FBXL18: variants seen among roughly 807,000 people sequenced by gnomAD.
FBXL18 encodes the protein F-box/LRR-repeat protein 18.
FBXL18 carries 36 observed loss-of-function variants against 46.0 expected under a neutral mutation model. The observed-to-expected ratio is 0.78, with a 90% CI of 0.60 to 1.03. The LOEUF is 1.03. Among genes scored for constraint, FBXL18 ranks in the 50% least tolerant of loss-of-function variants. The pLI is 0.00. For missense variants in FBXL18, 977 were observed against 1,004.1 expected (o/e 0.97, Z 0.36); for synonymous variants, 557 against 465.3 (o/e 1.20, Z -2.54).
At chr7:5,509,066 G>A (rs949983682) in intron 1 of FBXL18, among the ~76,000 whole-genome samples, 2 of 151,578 alleles carry the variant, frequency 1.3e-5, no homozygotes, top group Non-Finnish European at 2.9e-5. Flanking sequence ...GGTGGCACAC[G>A]CCTATAGTCC....
At chr7:5,487,982 C>G (rs1178129688) in intron 4 of FBXL18, among the ~76,000 whole-genome samples, 4 of 152,270 alleles carry the variant, frequency 2.6e-5, no homozygotes, top group African/African-American at 9.6e-5. Flanking sequence ...ATCAAGGGCT[C>G]TCCCAGGCAC....
At chr7:5,462,972 ATAT>A (rs1783276020) in intron 4 of FBXL18, among the ~76,000 whole-genome samples, 4 of 15,580 alleles carry the variant, frequency 2.6e-4, no homozygotes, top group Admixed American at 7.1e-4. Context: ...AAAAAAAAAT[ATAT>A]ATATATATAT....
chr7:5,502,850 G>A (rs1237292528), intron 2 of FBXL18, among the ~76,000 whole-genome samples: 19 of 150,314 alleles, frequency 1.3e-4, no homozygotes, highest in Non-Finnish European at 3.0e-5. Context: ...AAAAAAAAAC[G>A]GTTTGGTGGT....
rs1461903222 is a variant in FBXL18 at position 5,480,685 on chromosome 7, T to G, written c.*1090A>C. Reference sequence around the variant, plus strand: ...TTCAAACGATTCTCCTGCCTCAGCCTCCTGAGTAGCTAGGATTACAGGCGC... The same window carrying G: ...TTCAAACGATTCTCCTGCCTCAGCCGCCTGAGTAGCTAGGATTACAGGCGC... On this transcript the variant is annotated 3_prime_UTR_variant, in exon 5 of 5. Transcript: ENST00000382368. 2 of 149,048 alleles carry G rather than the reference T, an allele frequency of 1.3e-5. No individual in the cohort carries two copies. Among genetic ancestry groups the G allele is most frequent in the East Asian group, 4.1e-4 (2 of 4,910 alleles). The allele number at this position is 149,048 out of a possible 1,614,324, so 9.2% of individuals were successfully genotyped here.
rs559631326 is a variant in FBXL18 at position 5,489,868 on chromosome 7, C to G, written c.2000+1363G>C. On this transcript the variant is annotated intron_variant, in intron 4 of 4. Transcript: ENST00000382368. ...CTGCTCAGGAGGCTGAGGTTGCAAC[C>G]CAGAAAGCAGAGGTTGCAGTGAGCT... 3.8e-5 allele frequency: 24 copies of G among 628,798 alleles called. No homozygotes were observed. The East Asian group carries it at 1.5e-3, about 40-fold the overall frequency. 39.0% of individuals were successfully genotyped at this position (628,798 alleles called of 1,614,324 possible). A position where few individuals can be genotyped will look rare whatever the true frequency, so the allele number is the denominator to read the frequency against.
At chr7:5,472,820 C>T (rs1783447815), downstream of FBXL18, among the ~76,000 whole-genome samples, 1 of 152,172 alleles carries the variant, frequency 6.6e-6, no homozygotes, top group African/African-American at 2.4e-5. Flanking sequence ...AAGCCGTGAG[C>T]ACCCCACAGT....
chr7:5,492,677 T>C (rs1783961646), intron 3 of FBXL18, among the ~76,000 whole-genome samples: 1 of 152,108 alleles, frequency 6.6e-6, no homozygotes. Flanking sequence ...CTAAATCTAA[T>C]GACTGGTTCC....
chr7:5,513,538 C>G (rs906097384), intron 1 of FBXL18, 119 bp downstream of exon 1: 1 of 1,156,112 alleles, frequency 8.6e-7, no homozygotes, highest in South Asian at 1.3e-5. Flanking sequence ...ATGGGAAGGA[C>G]GGGGCGGGGT....
At chr7:5,504,490 G>C (rs893955893) in intron 2 of FBXL18, among the ~76,000 whole-genome samples, 3 of 145,546 alleles carry the variant, frequency 2.1e-5, no homozygotes, top group African/African-American at 7.4e-5. Flanking sequence ...ATTTTTTGTA[G>C]AGACAGGGTT....
chr7:5,462,970 ATATATATAT>A (rs547473418), intron 4 of FBXL18, among the ~76,000 whole-genome samples: 31 of 13,842 alleles, frequency 2.2e-3, no homozygotes, highest in African/African-American at 4.5e-3. Flanking sequence ...AAAAAAAAAA[ATATATATAT>A]ATATATATAT....
At chr7:5,463,004 T>TATACAC (rs1221961422) in intron 4 of FBXL18, among the ~76,000 whole-genome samples, 3 of 83,886 alleles carry the variant, frequency 3.6e-5, no homozygotes, top group Non-Finnish European at 5.0e-5. Flanking sequence ...ATAATATATA[T>TATACAC]ACACACACAC....
chr7:5,458,091 C>A (rs1475079673), intron 4 of FBXL18, among the ~76,000 whole-genome samples: 1 of 152,046 alleles, frequency 6.6e-6, no homozygotes, highest in African/African-American at 2.4e-5. Flanking sequence ...AAAAAACAAC[C>A]CCAAAACCTT....
rs947770772 is a variant in FBXL18, at chr7:5,481,528, C to A, written c.*247G>T. The A allele has an allele frequency of 8.9e-5, 40 of 449,586 alleles. No individual in the cohort carries two copies. Among genetic ancestry groups the A allele is most frequent in the Middle Eastern group, 6.3e-4 (1 of 1,598 alleles). The allele number at this position is 449,586 out of a possible 1,614,324, so 27.8% of individuals were successfully genotyped here. A position where few individuals can be genotyped will look rare whatever the true frequency, so the allele number is the denominator to read the frequency against. Reference sequence around the variant, plus strand: ...CCAAGGGTCAGCCTGGTTCAGCCAGCCCCCCACATCGACCGTCCCCCGAGC... The same window carrying A: ...CCAAGGGTCAGCCTGGTTCAGCCAGACCCCCACATCGACCGTCCCCCGAGC... On this transcript the variant is annotated 3_prime_UTR_variant, in exon 5 of 5. Transcript: ENST00000382368.
chr7:5,490,060 G>A (rs1432312077), intron 4 of FBXL18: 1 of 1,351,888 alleles, frequency 7.4e-7, no homozygotes, highest in Non-Finnish European at 9.9e-7. Context: ...GATTATTCCT[G>A]AGACAGCCAG....
At position 5,501,038 on chromosome 7, in the gene FBXL18, G is replaced by A; in HGVS notation, c.1231C>T (p.Arg411Trp). Reference protein sequence around the residue: ...LGRHLCQLLARLRHLRSLSLP... With the variant: ...LGRHLCQLLAWLRHLRSLSLP... ...GAGAGGGAGCGCAGGTGACGCAGCC[G>A]GGCCAGGAGCTGGCAGAGGTGGCGG... Residue 411 changes from arginine (R) to tryptophan (W), a missense_variant, in exon 3 of 5, where the codon CGG becomes TGG. Arg to Trp is a moderately radical substitution (Grantham distance 101, BLOSUM62 -3). Transcript: ENST00000382368. The A allele has an allele frequency of 1.9e-6, 3 of 1,605,648 alleles. No individual in the cohort carries two copies. Among genetic ancestry groups the A allele is most frequent in the South Asian group, 1.1e-5 (1 of 90,688 alleles).
chr7:5,492,670 A>T (rs1783961528), intron 3 of FBXL18, among the ~76,000 whole-genome samples: 1 of 152,082 alleles, frequency 6.6e-6, no homozygotes, highest in African/African-American at 2.4e-5. Context: ...GGGGACTCTA[A>T]ATCTAATGAC....
At chr7:5,488,053 C>T (rs959605885) in intron 4 of FBXL18, among the ~76,000 whole-genome samples, 3 of 152,246 alleles carry the variant, frequency 2.0e-5, no homozygotes, top group Non-Finnish European at 2.9e-5. Flanking sequence ...TCAGCTTGTG[C>T]CTGAGGACAC....
At position 5,503,673 on chromosome 7, in the gene FBXL18, A is replaced by T. The variant is rs574362276; in HGVS notation, c.238-1642T>A. Among the ~76,000 whole-genome samples the T allele has an allele frequency of 3.0e-3, 455 of 152,146 alleles. 3 individuals are homozygous for T. The highest frequency in any genetic ancestry group is 3.9e-3 in the Admixed American group (60 of 15,268). On this transcript the variant is annotated intron_variant, in intron 2 of 4. Transcript: ENST00000382368. ...CCAGACCCGGCCAAAAAATTAAATTAAAAAAATGCTCCAGGCCAGGCACAG... is the reference window on the plus strand; with the variant it reads ...CCAGACCCGGCCAAAAAATTAAATTTAAAAAATGCTCCAGGCCAGGCACAG...
chr7:5,456,080 G>C (rs117213630), intron 4 of FBXL18, among the ~76,000 whole-genome samples: 1 of 151,836 alleles, frequency 6.6e-6, no homozygotes, highest in African/African-American at 2.4e-5. Context: ...GCACTGGCCC[G>C]GTCACCCCAC....
Sources: allele counts gnomAD v4.1 joint callset (sites outside exome capture counted in the v4.1 genomes callset), GRCh38; gene constraint gnomAD v4.1.1; transcripts MANE v1.5; gene names NCBI Gene and HGNC (gene_info 2026-07-23, HGNC 2026-07-21).